The following COL4A3 variants were observed in gnomAD, a reference collection of about 807,000 sequenced individuals.
The protein encoded by COL4A3 is collagen alpha-3(IV) chain.
Under a neutral mutation model 217.4 loss-of-function variants are expected in COL4A3, and 135 were observed. The observed-to-expected ratio is 0.62, with a 90% CI of 0.54 to 0.72. The LOEUF (loss-of-function observed/expected upper bound fraction) is 0.72, where lower values mean the gene tolerates loss of function less well. Ranked by LOEUF, COL4A3 falls within the 30% of genes least tolerant of loss-of-function variation. The pLI, the probability that COL4A3 is intolerant of heterozygous loss-of-function variation, is 0.00. For missense variants in COL4A3, 1,868 were observed against 2,119.9 expected, an observed-to-expected ratio of 0.88 and a Z score of 2.33; for synonymous variants, 690 against 736.3, an observed-to-expected ratio of 0.94 and a Z score of 1.02.
In COL4A3 at chr2:227,203,131, A is replaced by G. The variant is rs1329319456; in HGVS notation, c.88-34837A>G. ...TATGTGTATATATGTGTATATATAC[A>G]TATATGTGTATATATGTGTATATAT... is the stretch of plus-strand genomic sequence containing the variant. On this transcript the variant is annotated intron_variant, in intron 1 of 51. Transcript: ENST00000396578. Among the ~76,000 whole-genome samples, 8 of 29,654 alleles carry G rather than the reference A, an allele frequency of 2.7e-4. 1 individual carries two copies. The highest frequency in any genetic ancestry group is 2.6e-3 in the South Asian group (2 of 782). The allele number at this position is 29,654 out of a possible 152,430, so 19.5% of individuals were successfully genotyped here. A position where few individuals can be genotyped will look rare whatever the true frequency, so the allele number is the denominator to read the frequency against.
intron 19 of COL4A3, among the ~76,000 whole-genome samples, chr2:227,260,268 A>G (rs1366118725): frequency 6.6e-6 from 1 of 152,194 alleles, no homozygotes; most frequent in African/African-American, 2.4e-5. Context: ...TGCTTGAAGC[A>G]ATGATCTGTC....
intron 32 of COL4A3, among the ~76,000 whole-genome samples, chr2:227,283,161 T>C (rs2072088515): frequency 6.6e-6 from 1 of 152,238 alleles, no homozygotes; most frequent in Non-Finnish European, 1.5e-5. Flanking sequence ...GTTCATCATA[T>C]TTCTGTATAA....
intron 8 of COL4A3, 174 bp from the exon 9 acceptor site, chr2:227,248,269 G>A: frequency 1.6e-6 from 1 of 627,416 alleles, no homozygotes. Context: ...TAGAAAATAT[G>A]AAAATGCTTT....
At chr2:227,226,774 T>A (rs2068117168) in intron 1 of COL4A3, among the ~76,000 whole-genome samples, 1 of 152,208 alleles carries the variant, frequency 6.6e-6, no homozygotes, top group Non-Finnish European at 1.5e-5. Context: ...CTGGCCTCTA[T>A]CTTAATTTTT....
At chr2:227,256,446 CTT>C in intron 17 of COL4A3, 50 bp downstream of exon 17, 1 of 1,468,736 alleles carries the variant, frequency 6.8e-7, no homozygotes, top group Non-Finnish European at 9.5e-7. Flanking sequence ...TTTGCCTGTG[CTT>C]TTACTTTTAC....
Position 227,263,866 on chromosome 2 carries a change from G to A in COL4A3, c.1237G>A (p.Ala413Thr), listed in dbSNP as rs756073120. 2.6e-5 allele frequency: 42 copies of A among 1,614,038 alleles called. No homozygotes were observed. Among genetic ancestry groups the A allele is most frequent in the Middle Eastern group, 1.6e-4 (1 of 6,084 alleles). Residue 413 changes from alanine (A) to threonine (T), a missense_variant, in exon 21 of 52, where the codon GCC becomes ACC. By Grantham distance (58) the Ala-to-Thr change is moderately conservative. Coordinates refer to ENST00000396578, the MANE Select transcript of COL4A3 (RefSeq NM_000091.5). ...GGAACGAGGCCGCCCAGGAAAGGATGCCATGGGGACTCCTGGGTCCCCAGG... is the reference window on the plus strand; with the variant it reads ...GGAACGAGGCCGCCCAGGAAAGGATACCATGGGGACTCCTGGGTCCCCAGG... ...KGERGRPGKD[A>T]MGTPGSPGCA...
At chr2:227,245,868 G>A (rs2069303964) in intron 5 of COL4A3, 86 bp from the exon 6 acceptor site, 1 of 917,632 alleles carries the variant, frequency 1.1e-6, no homozygotes, top group African/African-American at 1.6e-5. Flanking sequence ...TATTTCAAGA[G>A]CTATTTAAAT....
intron 47 of COL4A3, chr2:227,305,422 A>G: frequency 3.3e-6 from 1 of 302,404 alleles, no homozygotes; most frequent in South Asian, 3.5e-5. Flanking sequence ...AATTATTTAT[A>G]GGAGCAGTAC....
intron 2 of COL4A3, chr2:227,238,324 T>C (rs1361124792): frequency 1.6e-5 from 4 of 242,736 alleles, no homozygotes; most frequent in Non-Finnish European, 2.4e-5. Flanking sequence ...TCCATATGTA[T>C]ACACTATTTA....
rs762665490 is a variant in COL4A3 at position 227,293,270 on chromosome 2, C to G, written c.3290C>G (p.Ala1097Gly). 7 of 1,613,690 alleles carry G rather than the reference C, an allele frequency of 4.3e-6. No homozygotes were observed. In the African/African-American group the frequency reaches 8.0e-5, roughly 18 times the overall value. The change falls in exon 38 of 52, where the codon GCT (alanine) becomes GGT (glycine). Residue 1097 changes from alanine to glycine, a missense_variant. By Grantham distance (60) the Ala-to-Gly change is moderately conservative. Around this residue, in one of 2 missense-constraint regions of COL4A3, gnomAD observed 1,503 missense variants for 1,786.1 expected, o/e 0.84. Coordinates refer to ENST00000396578, the MANE Select transcript of COL4A3 (RefSeq NM_000091.5). Reference sequence around the variant, plus strand: ...GGCCCACCTGGACATTTGGGGCCTGCTGGACCTGAGGGAGCCCCTGGAAGT... The same window carrying G: ...GGCCCACCTGGACATTTGGGGCCTGGTGGACCTGAGGGAGCCCCTGGAAGT... The part of the protein sequence containing the change: ...QPGPPGHLGP[A>G]GPEGAPGSPG...
intron 1 of COL4A3, among the ~76,000 whole-genome samples, chr2:227,231,731 C>T (rs2068416484): frequency 6.6e-6 from 1 of 152,148 alleles, no homozygotes. Context: ...GGGGTTTCTC[C>T]ATGTTACCCA....
rs1258896868 is a variant in COL4A3 at position 227,202,959 on chromosome 2, ATG to A, written c.88-35005_88-35004del. Among the ~76,000 whole-genome samples the A allele has an allele frequency of 1.3e-3, 47 of 35,444 alleles. 19 individuals carry two copies. The highest frequency in any genetic ancestry group is 2.0e-3 in the Non-Finnish European group (42 of 20,494). The allele number at this position is 35,444 out of a possible 152,430, so 23.3% of individuals were successfully genotyped here. The stretch of plus-strand genomic sequence containing the variant: ...TGTATATATGTGTATATATACATAT[ATG>A]TGTATATATGTGTATATATACATAT... On this transcript the variant is annotated intron_variant, in intron 1 of 51. Transcript: ENST00000396578.
intron 1 of COL4A3, among the ~76,000 whole-genome samples, chr2:227,220,203 G>C (rs1236887617): frequency 7.7e-5 from 1 of 12,908 alleles, no homozygotes; most frequent in African/African-American, 3.0e-4. Context: ...TTTTTTTTTT[G>C]AGACAGAGTC....
chr2:227,264,759 T>C (rs2070788577), intron 21 of COL4A3: 2 of 152,242 alleles, frequency 1.3e-5, no homozygotes, highest in African/African-American at 4.8e-5. Flanking sequence ...TCTTTTTTTC[T>C]ATGTCAAGGC....
At chr2:227,245,816 C>T in intron 5 of COL4A3, 138 bp from the exon 6 acceptor site, 2 of 746,632 alleles carry the variant, frequency 2.7e-6, no homozygotes, top group Admixed American at 1.9e-5. Context: ...TATGTAAAAC[C>T]ACAATGTACA....
At chr2:227,272,253 G>C (rs541938601) in intron 25 of COL4A3, among the ~76,000 whole-genome samples, 1 of 152,192 alleles carries the variant, frequency 6.6e-6, no homozygotes, top group Admixed American at 6.5e-5. Flanking sequence ...ATAAGTTCTG[G>C]TAAAGATGCT....
At position 227,297,745 on chromosome 2, in the gene COL4A3, G is replaced by A; in HGVS notation, c.3637G>A (p.Gly1213Arg). The change falls in exon 42 of 52, where the codon GGA becomes AGA. Residue 1213 changes from glycine (G) to arginine (R), a missense_variant. Coordinates refer to ENST00000396578, the MANE Select transcript of COL4A3 (RefSeq NM_000091.5). ...CAGAAAAGGGGCCATGGGAGATGCT[G>A]GACCTCGAGGACCCACAGGCATAGA... The part of the protein sequence containing the change: ...PGRKGAMGDA[G>R]PRGPTGIEGF... The A allele has an allele frequency of 6.2e-7, 1 of 1,602,744 alleles. No individual in the cohort carries two copies.
intron 1 of COL4A3, among the ~76,000 whole-genome samples, chr2:227,171,863 G>A (rs986645030): frequency 1.3e-5 from 2 of 152,184 alleles, no homozygotes; most frequent in African/African-American, 4.8e-5. Context: ...CAACTTGAAA[G>A]GCAAGTGCCT....
chr2:227,235,889 T>TCAG (rs1438827872), intron 1 of COL4A3, among the ~76,000 whole-genome samples: 1 of 148,802 alleles, frequency 6.7e-6, no homozygotes, highest in African/African-American at 2.5e-5. Context: ...TTCACCTGCC[T>TCAG]CAGCTTCCCG....
Sources: allele counts gnomAD v4.1 joint callset (sites outside exome capture counted in the v4.1 genomes callset), GRCh38; gene constraint gnomAD v4.1.1; regional missense constraint gnomAD v4.1.1; transcripts MANE v1.5; gene names NCBI Gene and HGNC (gene_info 2026-07-23, HGNC 2026-07-21).